GLIS3: variants seen among roughly 807,000 people sequenced by gnomAD.
The protein encoded by GLIS3 is GLIS family zinc finger 3.
Under a neutral mutation model 78.6 loss-of-function variants are expected in GLIS3, and 53 were observed. That is an observed-to-expected ratio of 0.67 (90% CI 0.54 to 0.85). The LOEUF is 0.85. Among genes scored for constraint, GLIS3 ranks in the 40% least tolerant of loss-of-function variants. The pLI, the probability that GLIS3 is intolerant of heterozygous loss-of-function variation, is 0.00. For synonymous variants in GLIS3, 684 were observed against 509.9 expected, an observed-to-expected ratio of 1.34 and a Z score of -4.60; for missense variants, 1,703 against 1,231.1, an observed-to-expected ratio of 1.38 and a Z score of -5.74.
At chr9:4,008,378 C>G (rs879933296) in intron 4 of GLIS3, among the ~76,000 whole-genome samples, 5 of 152,240 alleles carry the variant, frequency 3.3e-5, no homozygotes, top group African/African-American at 9.6e-5. Context: ...GTGGCCAGTG[C>G]CATTTTCCCT....
chr9:3,888,908 G>C (rs1563815509), intron 7 of GLIS3, among the ~76,000 whole-genome samples: 1 of 152,122 alleles, frequency 6.6e-6, no homozygotes. Context: ...AAACATCCTT[G>C]TTGCTGCTAG....
chr9:4,305,153 C>G (rs1015954705), intron 4 of GLIS3: 1 of 152,220 alleles, frequency 6.6e-6, no homozygotes, highest in South Asian at 2.1e-4. Flanking sequence ...TCACCCAACT[C>G]ATGTGGGACT....
At chr9:4,397,992 C>T in the GLIS3 span, among the ~76,000 whole-genome samples, 3 of 152,180 alleles carry the variant, frequency 2.0e-5, no homozygotes, top group South Asian at 6.2e-4. Flanking sequence ...TTCTGTTCTG[C>T]CCTCAAACTC....
the GLIS3 span, among the ~76,000 whole-genome samples, chr9:4,377,496 A>G: frequency 7.4e-6 from 1 of 135,144 alleles, no homozygotes; most frequent in Non-Finnish European, 1.7e-5. Flanking sequence ...CTCAGCTTAC[A>G]GACGGCCTAT....
intron 5 of GLIS3, 37 bp downstream of exon 5, chr9:3,936,991 G>T (rs779029370): frequency 6.2e-7 from 1 of 1,611,536 alleles, no homozygotes; most frequent in African/African-American, 1.3e-5. Context: ...CACACCAGGC[G>T]CTGGGTTGGA....
At chr9:4,427,346 A>C in the GLIS3 span, among the ~76,000 whole-genome samples, 1 of 152,182 alleles carries the variant, frequency 6.6e-6, no homozygotes, top group South Asian at 2.1e-4. Context: ...ACATTTATTT[A>C]GCAACTATTA....
chr9:4,237,271 T>C (rs1407571986), intron 2 of GLIS3, among the ~76,000 whole-genome samples: 1 of 152,080 alleles, frequency 6.6e-6, no homozygotes, highest in African/African-American at 2.4e-5. Flanking sequence ...CATAGCCGGT[T>C]AAGTACAGTA....
At chr9:4,076,563 A>C (rs146596838) in intron 4 of GLIS3, among the ~76,000 whole-genome samples, 2 of 152,346 alleles carry the variant, frequency 1.3e-5, no homozygotes, top group African/African-American at 4.8e-5. Context: ...TAAGTAGATA[A>C]AAAAGAACAT....
At chr9:4,232,887 A>G (rs1020567042) in intron 2 of GLIS3, among the ~76,000 whole-genome samples, 2 of 152,248 alleles carry the variant, frequency 1.3e-5, no homozygotes, top group African/African-American at 2.4e-5. Context: ...ACCATCCCAA[A>G]GAGCAGACTG....
At chr9:4,472,700 C>T in the GLIS3 span, among the ~76,000 whole-genome samples, 53,542 of 151,592 alleles carry the variant, frequency 0.35, 10,233 homozygotes, top group Middle Eastern at 0.49. Flanking sequence ...GGCACATGTA[C>T]ACCTATGTAA....
rs148306701 is a variant in GLIS3, at chr9:4,118,869, C to T, written c.609G>A (p.Ser203=). The T allele has an allele frequency of 1.7e-5, 28 of 1,600,454 alleles. No homozygotes were observed. In the African/African-American group the frequency reaches 2.9e-4, roughly 17 times the overall value. ...AGGTCGTGGACGCCAAAGACTCACG[C>T]GAAATAAGGGACCTGGAACAGCAGC... ...IPPSDTRSLI[S]RESLASTTLS... The change falls in exon 4 of 11, where the codon TCG becomes TCA. Residue 203 remains serine (S), a synonymous_variant. Coordinates refer to ENST00000381971, the MANE Select transcript of GLIS3 (RefSeq NM_001042413.2). This position sits in a 1 kb window ranked among gnomAD's most constrained non-coding sequence, Gnocchi z 4.7.
At chr9:4,470,613 A>G in the GLIS3 span, among the ~76,000 whole-genome samples, 4 of 152,184 alleles carry the variant, frequency 2.6e-5, no homozygotes, top group African/African-American at 9.7e-5. Context: ...TCAAAATAAT[A>G]AGAGCTATCT....
At chr9:4,111,519 T>C (rs919483320) in intron 4 of GLIS3, among the ~76,000 whole-genome samples, 1 of 152,260 alleles carries the variant, frequency 6.6e-6, no homozygotes, top group Admixed American at 6.5e-5. Flanking sequence ...GGCAGGTTTC[T>C]AAACTGTGTT....
In GLIS3 at chr9:4,118,050, G is replaced by C; in HGVS notation, c.1428C>G (p.His476Gln). The stretch of plus-strand genomic sequence containing the variant: ...CCTGGGGCAAGGCCAGCTGCTGGGC[G>C]TGGGGCCCGAGCTCCGGGTGGTGAA... ...AHLHHPELGP[H>Q]AQQLALPQAT... The change falls in exon 4 of 11, where the codon CAC becomes CAG. Residue 476 changes from histidine (H) to glutamine (Q), a missense_variant. Coordinates refer to ENST00000381971, the MANE Select transcript of GLIS3 (RefSeq NM_001042413.2). This position sits in a 1 kb window ranked among gnomAD's most constrained non-coding sequence, Gnocchi z 4.7. 6.3e-7 allele frequency: 1 copy of C among 1,589,444 alleles called. No homozygotes were observed. The highest frequency in any genetic ancestry group is 8.6e-7 in the Non-Finnish European group (1 of 1,167,612).
intron 8 of GLIS3, among the ~76,000 whole-genome samples, chr9:3,867,694 T>A (rs944873890): frequency 6.6e-6 from 1 of 151,372 alleles, no homozygotes; most frequent in African/African-American, 2.4e-5. Flanking sequence ...CAGGAACAAC[T>A]TTTATTACAT....
the GLIS3 span, among the ~76,000 whole-genome samples, chr9:4,383,922 T>C: frequency 2.0e-5 from 3 of 152,208 alleles, no homozygotes; most frequent in African/African-American, 7.2e-5. Context: ...TAGGTGGTCC[T>C]AGAGAGAGCA....
intron 2 of GLIS3, among the ~76,000 whole-genome samples, chr9:4,188,500 G>A (rs1451330466): frequency 2.0e-5 from 3 of 150,680 alleles, no homozygotes; most frequent in African/African-American, 7.3e-5. Context: ...TCAGGATGAT[G>A]CTGGCCTCAT....
At chr9:4,236,416 A>G (rs564938255) in intron 2 of GLIS3, among the ~76,000 whole-genome samples, 4 of 152,280 alleles carry the variant, frequency 2.6e-5, no homozygotes, top group African/African-American at 9.6e-5. Context: ...CCCACTTTTT[A>G]AAAGTATTTC....
chr9:4,419,246 A>C, the GLIS3 span, among the ~76,000 whole-genome samples: 1 of 152,154 alleles, frequency 6.6e-6, no homozygotes, highest in Non-Finnish European at 1.5e-5. Context: ...ACAGCTGCTA[A>C]TCTCTTTTGA....
Sources: allele counts gnomAD v4.1 joint callset (sites outside exome capture counted in the v4.1 genomes callset), GRCh38; gene constraint gnomAD v4.1.1; non-coding constraint Gnocchi (gnomAD v3.1); transcripts MANE v1.5; gene names NCBI Gene and HGNC (gene_info 2026-07-23, HGNC 2026-07-21).